The following TENM4 variants were observed in gnomAD, a reference collection of about 807,000 sequenced individuals.
TENM4 encodes the protein teneurin transmembrane protein 4.
A neutral mutation model predicts 243.3 loss-of-function variants in TENM4; 82 were observed. That is an observed-to-expected ratio of 0.34 (90% confidence interval 0.28 to 0.40). TENM4 has a LOEUF of 0.40. TENM4 is among the 10% of genes least tolerant of loss of function. The probability of loss-of-function intolerance (pLI) is 1.00; values close to 1 mark genes in which losing one functional copy is unlikely to be tolerated. For missense variants in TENM4, 3,138 were observed against 3,673.3 expected (o/e 0.85, Z 3.77); for synonymous variants, 1,412 against 1,456.3 (o/e 0.97, Z 0.69).
chr11:78,686,565 T>G (rs1298167401), intron 29 of TENM4, among the ~76,000 whole-genome samples: 1 of 151,962 alleles, frequency 6.6e-6, no homozygotes. Context: ...GGGGGGCAGT[T>G]TTGGGGACTG....
intron 1 of TENM4, among the ~76,000 whole-genome samples, chr11:79,355,033 C>T (rs150627664): frequency 6.6e-6 from 1 of 152,144 alleles, no homozygotes; most frequent in Non-Finnish European, 1.5e-5. Flanking sequence ...AGCCAAGAAG[C>T]CATTTGTTGA....
intron 9 of TENM4, among the ~76,000 whole-genome samples, chr11:78,888,229 C>T (rs984660223): frequency 6.6e-6 from 1 of 152,210 alleles, no homozygotes; most frequent in African/African-American, 2.4e-5. Flanking sequence ...CCATAACAGA[C>T]ATCACTAATC....
chr11:79,307,262 C>T (rs1272937799), intron 1 of TENM4, among the ~76,000 whole-genome samples: 2 of 152,110 alleles, frequency 1.3e-5, no homozygotes, highest in Non-Finnish European at 2.9e-5. Context: ...TTGGGCCCAC[C>T]TGTTCACCTC....
intron 3 of TENM4, among the ~76,000 whole-genome samples, chr11:79,208,001 T>G (rs1287512310): frequency 6.6e-6 from 1 of 151,256 alleles, no homozygotes; most frequent in Non-Finnish European, 1.5e-5. Context: ...CAAGCCCACC[T>G]CTGACAGGAA....
Position 79,141,387 on chromosome 11 carries a change from C to G in TENM4, c.-66+7323G>C, listed in dbSNP as rs118070910. 5.2e-3 allele frequency among the ~76,000 whole-genome samples: 776 copies of G among 148,880 alleles called. 1 individual carries two copies. The highest frequency in any genetic ancestry group is 9.4e-3 in the Non-Finnish European group (627 of 66,552). ...ACTGTATGCCAATAAATTGGAAAAC[C>G]TAGAAGAAGTGGATAAATTCCTAGA... On this transcript the variant is annotated intron_variant, in intron 4 of 33. Coordinates refer to ENST00000278550, the MANE Select transcript of TENM4 (RefSeq NM_001098816.3).
chr11:79,070,303 T>C (rs896690717), intron 4 of TENM4, among the ~76,000 whole-genome samples: 3 of 152,280 alleles, frequency 2.0e-5, no homozygotes, highest in Middle Eastern at 3.4e-3. Context: ...TGGTGGTTAG[T>C]AATATTCCTA....
intron 6 of TENM4, among the ~76,000 whole-genome samples, chr11:78,905,283 A>G (rs1856037364): frequency 1.3e-5 from 2 of 152,224 alleles, no homozygotes; most frequent in African/African-American, 4.8e-5. Flanking sequence ...ACAGTCAAGT[A>G]TGAAGCACCA....
At chr11:79,018,663 C>G (rs79265467) in intron 6 of TENM4, among the ~76,000 whole-genome samples, 1 of 151,994 alleles carries the variant, frequency 6.6e-6, no homozygotes, top group East Asian at 1.9e-4. Flanking sequence ...ACTTACTTCC[C>G]GGAGACCTCT....
At chr11:78,790,635 C>A (rs186145343) in intron 15 of TENM4, among the ~76,000 whole-genome samples, 12 of 152,264 alleles carry the variant, frequency 7.9e-5, no homozygotes, top group Admixed American at 3.9e-4. Flanking sequence ...CATCTAGTGT[C>A]TTTTCATTGT....
At chr11:78,691,049 A>G (rs1464744842) in intron 28 of TENM4, among the ~76,000 whole-genome samples, 1 of 152,198 alleles carries the variant, frequency 6.6e-6, no homozygotes, top group East Asian at 1.9e-4. Flanking sequence ...CACTCCTACC[A>G]TGGCCTTGCT....
intron 1 of TENM4, among the ~76,000 whole-genome samples, chr11:79,346,767 C>A (rs1226610404): frequency 6.6e-6 from 1 of 152,194 alleles, no homozygotes. Flanking sequence ...ACACTTTCCT[C>A]ATCTGTAAAA....
intron 1 of TENM4, among the ~76,000 whole-genome samples, chr11:79,356,700 T>TATC (rs1379257911): frequency 3.9e-5 from 6 of 152,214 alleles, no homozygotes; most frequent in East Asian, 1.9e-4. Context: ...TCAAGGTCAT[T>TATC]ATCATCATCA....
intron 25 of TENM4, among the ~76,000 whole-genome samples, chr11:78,717,741 A>AT (rs1267425828): frequency 6.6e-6 from 1 of 152,230 alleles, no homozygotes; most frequent in Non-Finnish European, 1.5e-5. Flanking sequence ...GTCAGACTTT[A>AT]TTTTGTCCTG....
chr11:79,349,030 G>A lies in TENM4; in HGVS notation c.-320-51487C>T, dbSNP rs114449803. Among the ~76,000 whole-genome samples, 317 of 152,240 alleles carry A rather than the reference G, an allele frequency of 2.1e-3. 1 individual carries two copies. The highest frequency in any genetic ancestry group is 7.4e-3 in the African/African-American group (309 of 41,552). ...TGCCAAGCCCCTTCACTGTATGGAG[G>A]AAAGGAGGCTCAAAGGGGAATGGCT... On this transcript the variant is annotated intron_variant, in intron 1 of 33. Transcript: ENST00000278550.
At chr11:78,775,551 C>A (rs1200688945) in intron 17 of TENM4, among the ~76,000 whole-genome samples, 1 of 152,200 alleles carries the variant, frequency 6.6e-6, no homozygotes, top group Non-Finnish European at 1.5e-5. Context: ...GTGGGTGGAA[C>A]AAGGTTTGCT....
At chr11:79,283,318 A>G (rs1856192105) in intron 2 of TENM4, among the ~76,000 whole-genome samples, 1 of 152,060 alleles carries the variant, frequency 6.6e-6, no homozygotes, top group African/African-American at 2.4e-5. Context: ...AATCTTCAAT[A>G]AGATAACATT....
At chr11:78,736,245 G>C (rs1344776970) in intron 20 of TENM4, among the ~76,000 whole-genome samples, 2 of 152,214 alleles carry the variant, frequency 1.3e-5, no homozygotes, top group East Asian at 3.9e-4. Flanking sequence ...CAAAGTGCTG[G>C]GATTACAGAT....
rs1344788260 is a variant in TENM4, at chr11:78,860,570, T to C, written c.1255+2392A>G. Among the ~76,000 whole-genome samples, 5 of 152,230 alleles carry C rather than the reference T, an allele frequency of 3.3e-5. No homozygotes were observed. The South Asian group carries it at 8.3e-4, about 25-fold the overall frequency. ...ACATCAGAGTTAAAGACTTTCTGCA[T>C]TGAGATATATCTAGGGGAATGCATT... On this transcript the variant is annotated intron_variant, in intron 10 of 33. Coordinates refer to ENST00000278550, the MANE Select transcript of TENM4 (RefSeq NM_001098816.3).
rs1206339090 is a variant in TENM4, at chr11:79,062,060, C to T, written c.493+2678G>A. Among the ~76,000 whole-genome samples, 3 of 149,872 alleles carry T rather than the reference C, an allele frequency of 2.0e-5. No homozygotes were observed. In the East Asian group the frequency reaches 5.9e-4, roughly 29 times the overall value. ...CATGGCAACCTCTGCCTCTGGGGTT[C>T]CAGTGATTCTCCTGCCTCAGCCTCC... On this transcript the variant is annotated intron_variant, in intron 6 of 33. Coordinates refer to ENST00000278550, the MANE Select transcript of TENM4 (RefSeq NM_001098816.3).
Sources: allele counts gnomAD v4.1 joint callset (sites outside exome capture counted in the v4.1 genomes callset), GRCh38; gene constraint gnomAD v4.1.1; transcripts MANE v1.5; gene names NCBI Gene and HGNC (gene_info 2026-07-23, HGNC 2026-07-21).